The following TNFRSF21 variants were observed in gnomAD, a reference collection of about 807,000 sequenced individuals.
The protein encoded by TNFRSF21 is tumor necrosis factor receptor superfamily member 21.
A neutral mutation model predicts 45.6 loss-of-function variants in TNFRSF21; 19 were observed. That is an observed-to-expected ratio of 0.42 (90% CI 0.29 to 0.61). The LOEUF (loss-of-function observed/expected upper bound fraction) is 0.61, where lower values mean the gene tolerates loss of function less well. TNFRSF21 is among the 20% of genes least tolerant of loss of function. The pLI is 0.23. For synonymous variants in TNFRSF21, 314 were observed against 335.5 expected (o/e 0.94, Z 0.70); for missense variants, 737 against 851.5 (o/e 0.87, Z 1.67).
chr6:47,246,779 A>G lies in TNFRSF21; in HGVS notation c.1509+6477T>C, dbSNP rs905190503. On this transcript the variant is annotated intron_variant, in intron 4 of 5. Transcript: ENST00000296861. ...AGAAACCAAATGTGAAAGTTTCAGG[A>G]AAGAAGACCAAAATATAGTCTTGAA... is the stretch of plus-strand genomic sequence containing the variant. Among the ~76,000 whole-genome samples the G allele has an allele frequency of 2.0e-5, 3 of 152,320 alleles. No individual in the cohort carries two copies. The East Asian group carries it at 5.8e-4, about 29-fold the overall frequency.
At chr6:47,296,101 C>T (rs1349641988) in intron 1 of TNFRSF21, among the ~76,000 whole-genome samples, 1 of 152,066 alleles carries the variant, frequency 6.6e-6, no homozygotes, top group African/African-American at 2.4e-5. Flanking sequence ...CATGAAGAAG[C>T]CAAGAGTAGG....
chr6:47,272,370 A>T (rs1317629328), intron 3 of TNFRSF21, among the ~76,000 whole-genome samples: 2 of 152,192 alleles, frequency 1.3e-5, no homozygotes, highest in East Asian at 3.8e-4. Context: ...CTCACTCAAA[A>T]CCACACAACT....
intron 4 of TNFRSF21, among the ~76,000 whole-genome samples, chr6:47,251,926 A>G (rs749279629): frequency 5.9e-5 from 9 of 152,196 alleles, no homozygotes; most frequent in Admixed American, 6.5e-5. Context: ...GGGTCTATTA[A>G]TAAGTATTTT....
intron 3 of TNFRSF21, among the ~76,000 whole-genome samples, chr6:47,273,552 AT>A: frequency 6.6e-6 from 1 of 152,206 alleles, no homozygotes; most frequent in Non-Finnish European, 1.5e-5. Flanking sequence ...CACAGCCAAC[AT>A]CATACTGAAT....
chr6:47,238,353 G>T (rs1764691350), intron 4 of TNFRSF21, among the ~76,000 whole-genome samples: 2 of 152,238 alleles, frequency 1.3e-5, no homozygotes, highest in Admixed American at 1.3e-4. Flanking sequence ...CAATGTATCT[G>T]TCACTTATTT....
intron 1 of TNFRSF21, among the ~76,000 whole-genome samples, chr6:47,290,350 G>T (rs1192358974): frequency 3.3e-5 from 5 of 152,200 alleles, no homozygotes; most frequent in African/African-American, 9.6e-5. Context: ...ACTCACAAGG[G>T]TGGCTCTGCA....
At chr6:47,270,795 G>C (rs905046914) in intron 3 of TNFRSF21, among the ~76,000 whole-genome samples, 2 of 152,144 alleles carry the variant, frequency 1.3e-5, no homozygotes, top group Non-Finnish European at 2.9e-5. Context: ...TGGCTAACTA[G>C]AATAAACAGT....
intron 4 of TNFRSF21, among the ~76,000 whole-genome samples, chr6:47,248,797 C>G (rs529030841): frequency 3.3e-5 from 5 of 152,272 alleles, no homozygotes; most frequent in Admixed American, 3.3e-4. Flanking sequence ...TCTAAAAGAC[C>G]CATTATGTGT....
chr6:47,304,555 C>T (rs963395870), intron 1 of TNFRSF21, among the ~76,000 whole-genome samples: 5 of 152,180 alleles, frequency 3.3e-5, no homozygotes, highest in African/African-American at 1.2e-4. Context: ...TAATAGCATA[C>T]CTGGAGAAAA....
At chr6:47,245,454 G>T (rs199570662) in intron 4 of TNFRSF21, among the ~76,000 whole-genome samples, 399 of 121,204 alleles carry the variant, frequency 3.3e-3, no homozygotes, top group African/African-American at 0.015. Flanking sequence ...GTGTGTGTGT[G>T]TGTTTGTGTG....
chr6:47,233,276 C>T (rs562815386), intron 5 of TNFRSF21, among the ~76,000 whole-genome samples: 34 of 152,318 alleles, frequency 2.2e-4, no homozygotes, highest in African/African-American at 7.7e-4. Flanking sequence ...ATTAATGTGA[C>T]ATTTGCCTAG....
At chr6:47,237,431 A>C (rs1454303852) in intron 4 of TNFRSF21, among the ~76,000 whole-genome samples, 3 of 152,216 alleles carry the variant, frequency 2.0e-5, no homozygotes, top group African/African-American at 7.2e-5. Flanking sequence ...AGTCATCGGA[A>C]TATGTGAAAT....
intron 4 of TNFRSF21, among the ~76,000 whole-genome samples, chr6:47,240,864 T>A (rs1764734906): frequency 6.6e-6 from 1 of 152,186 alleles, no homozygotes; most frequent in South Asian, 2.1e-4. Context: ...AACAGACAAG[T>A]GGCTGGTTAA....
At chr6:47,274,475 T>C (rs899275627) in intron 3 of TNFRSF21, among the ~76,000 whole-genome samples, 1 of 152,210 alleles carries the variant, frequency 6.6e-6, no homozygotes, top group African/African-American at 2.4e-5. Flanking sequence ...TTACACCTTA[T>C]ACAAAAATTA....
chr6:47,275,504 G>T (rs112253715), intron 3 of TNFRSF21, among the ~76,000 whole-genome samples: 12 of 152,228 alleles, frequency 7.9e-5, no homozygotes, highest in South Asian at 2.1e-4. Context: ...GGGCCTGTTG[G>T]GGGGTGGCGG....
At chr6:47,240,722 C>T (rs1449276225) in intron 4 of TNFRSF21, among the ~76,000 whole-genome samples, 1 of 152,156 alleles carries the variant, frequency 6.6e-6, no homozygotes, top group African/African-American at 2.4e-5. Flanking sequence ...TCTGCAAGTA[C>T]CTGGGACTCA....
chr6:47,271,564 C>T (rs1306348192), intron 3 of TNFRSF21, among the ~76,000 whole-genome samples: 2 of 152,136 alleles, frequency 1.3e-5, no homozygotes, highest in African/African-American at 4.8e-5. Context: ...AAAAACATGC[C>T]AAACTGTGAA....
At chr6:47,234,627 G>C (rs370974206) in intron 5 of TNFRSF21, 43 bp downstream of exon 5, 53 of 1,496,720 alleles carry the variant, frequency 3.5e-5, no homozygotes, top group South Asian at 2.9e-4. Flanking sequence ...GGGCTCTTTG[G>C]GGGGTTTAAG....
chr6:47,286,623 G>A, intron 1 of TNFRSF21, 28 bp from the exon 2 acceptor site: 1 of 1,568,218 alleles, frequency 6.4e-7, no homozygotes, highest in Non-Finnish European at 8.7e-7. Context: ...GGAGGGAAAG[G>A]AACAAAAACC....
Sources: gnomAD v4.1 joint callset for allele counts (sites outside exome capture counted in the v4.1 genomes callset) on GRCh38, gnomAD v4.1.1 for gene constraint, MANE v1.5 for transcripts, NCBI Gene and HGNC (gene_info 2026-07-23, HGNC 2026-07-21) for gene names.